The following ADARB2 variants were observed in gnomAD, a reference collection of about 807,000 sequenced individuals.
ADARB2 encodes adenosine deaminase RNA specific B2 (inactive).
Under a neutral mutation model 62.2 loss-of-function variants are expected in ADARB2, and 25 were observed. That is an observed-to-expected ratio of 0.40 (90% CI 0.29 to 0.56). The LOEUF is 0.56. Among genes scored for constraint, ADARB2 ranks in the 20% least tolerant of loss-of-function variants. ADARB2 has a pLI of 0.43. For missense variants in ADARB2, 1,071 were observed against 1,077.4 expected (o/e 0.99, Z 0.08); for synonymous variants, 572 against 500.8 (o/e 1.14, Z -1.90).
At chr10:1,366,137 G>T (rs892387266) in intron 2 of ADARB2, among the ~76,000 whole-genome samples, 2 of 152,240 alleles carry the variant, frequency 1.3e-5, no homozygotes, top group African/African-American at 2.4e-5. Flanking sequence ...CCCCTGGAGA[G>T]TGTAGGAGGG....
At chr10:1,480,098 G>T (rs1271924843) in intron 1 of ADARB2, among the ~76,000 whole-genome samples, 2 of 152,042 alleles carry the variant, frequency 1.3e-5, no homozygotes, top group Admixed American at 1.3e-4. Flanking sequence ...GTACTCAATG[G>T]TAAAAGACAG....
intron 1 of ADARB2, among the ~76,000 whole-genome samples, chr10:1,424,309 T>C (rs1292179858): frequency 6.6e-6 from 1 of 152,222 alleles, no homozygotes; most frequent in Admixed American, 6.5e-5. Flanking sequence ...CACACCTAAC[T>C]ACCTCCTGGC....
intron 8 of ADARB2, among the ~76,000 whole-genome samples, chr10:1,186,260 C>A (rs188108196): frequency 1.3e-5 from 2 of 152,316 alleles, no homozygotes; most frequent in Admixed American, 6.5e-5. Context: ...CCTCATGGAC[C>A]CAGCATGGTG....
intron 1 of ADARB2, among the ~76,000 whole-genome samples, chr10:1,689,990 G>GT (rs1564368495): frequency 1.3e-5 from 2 of 151,846 alleles, no homozygotes; most frequent in Non-Finnish European, 2.9e-5. Flanking sequence ...TTTTGTTTTT[G>GT]TTTTTTGTTT....
intron 3 of ADARB2, among the ~76,000 whole-genome samples, chr10:1,284,534 T>C (rs1278117782): frequency 1.3e-5 from 2 of 152,194 alleles, no homozygotes; most frequent in Admixed American, 1.3e-4. Context: ...AGATCCCTGC[T>C]GGGAACTGTT....
intron 1 of ADARB2, among the ~76,000 whole-genome samples, chr10:1,414,040 T>C (rs988208703): frequency 6.6e-6 from 1 of 152,106 alleles, no homozygotes; most frequent in East Asian, 1.9e-4. Context: ...GCTGTTCAGG[T>C]CCCACTCCCT....
At chr10:1,518,746 A>G (rs1236371275) in intron 1 of ADARB2, among the ~76,000 whole-genome samples, 2 of 150,682 alleles carry the variant, frequency 1.3e-5, no homozygotes, top group African/African-American at 2.5e-5. Context: ...TGTCATACGC[A>G]TGCATTCCTT....
chr10:1,435,091 C>A (rs1830819937), intron 1 of ADARB2, among the ~76,000 whole-genome samples: 3 of 152,214 alleles, frequency 2.0e-5, no homozygotes, highest in African/African-American at 7.2e-5. Context: ...CCTGGGAGGC[C>A]GTGGAGCACG....
chr10:1,732,996 T>G (rs1835252847), intron 1 of ADARB2, among the ~76,000 whole-genome samples: 1 of 152,246 alleles, frequency 6.6e-6, no homozygotes, highest in African/African-American at 2.4e-5. Context: ...ATTTTCAAGT[T>G]TCTAAAACTC....
rs1836682592 is a variant in ADARB2 at position 1,182,121 on chromosome 10, A to G, written c.*1072T>C. 6.6e-6 allele frequency: 1 copy of G among 152,242 alleles called. No individual in the cohort carries two copies. The highest frequency in any genetic ancestry group is 2.4e-5 in the African/African-American group (1 of 41,458). 9.4% of individuals were successfully genotyped at this position (152,242 alleles called of 1,614,324 possible). A position where few individuals can be genotyped will look rare whatever the true frequency, so the allele number is the denominator to read the frequency against. Reference sequence around the variant, plus strand: ...GAATCTGAAAGAATAGAGAGCTGGTAGCCTCTCAAGCTGAAGGTAAAGGTT... The same window carrying G: ...GAATCTGAAAGAATAGAGAGCTGGTGGCCTCTCAAGCTGAAGGTAAAGGTT... On this transcript the variant is annotated 3_prime_UTR_variant, in exon 10 of 10. Coordinates refer to ENST00000381312, the MANE Select transcript of ADARB2 (RefSeq NM_018702.4).
intron 1 of ADARB2, among the ~76,000 whole-genome samples, chr10:1,394,349 C>T (rs61833615): frequency 2.0e-4 from 31 of 152,312 alleles, no homozygotes; most frequent in Non-Finnish European, 4.0e-4. Context: ...CCTCAAGGCC[C>T]GCGGGTCACC....
chr10:1,545,445 A>G (rs1303409084), intron 1 of ADARB2, among the ~76,000 whole-genome samples: 1 of 152,244 alleles, frequency 6.6e-6, no homozygotes, highest in Non-Finnish European at 1.5e-5. Context: ...CAAGTAGAAC[A>G]GAAATGAGAA....
intron 3 of ADARB2, among the ~76,000 whole-genome samples, chr10:1,352,588 A>G (rs1212330081): frequency 6.6e-6 from 1 of 152,214 alleles, no homozygotes; most frequent in African/African-American, 2.4e-5. Flanking sequence ...GTCTGCATGC[A>G]GCGGCTGCCA....
intron 1 of ADARB2, among the ~76,000 whole-genome samples, chr10:1,436,100 G>T (rs895660140): frequency 1.3e-5 from 2 of 152,154 alleles, no homozygotes; most frequent in Admixed American, 1.3e-4. Flanking sequence ...TGTAATGGAA[G>T]TGGCTCTTGC....
chr10:1,721,448 C>A (rs1835091430), intron 1 of ADARB2, among the ~76,000 whole-genome samples: 1 of 152,162 alleles, frequency 6.6e-6, no homozygotes. Flanking sequence ...TAGTGGGATT[C>A]TATTTATACT....
chr10:1,438,330 C>G lies in ADARB2; in HGVS notation c.101-59170G>C, dbSNP rs1392258852. On this transcript the variant is annotated intron_variant, in intron 1 of 9. Transcript: ENST00000381312. ...CCTGAGTCTCCTTAGCAGATGGAGG[C>G]AGGCCCTTCATGATGGGGCTCCTGA... Among the ~76,000 whole-genome samples the G allele has an allele frequency of 2.1e-5, 3 of 144,120 alleles. No homozygotes were observed. The South Asian group carries it at 6.6e-4, about 32-fold the overall frequency. The allele number at this position is 144,120 out of a possible 152,430, so 94.5% of individuals were successfully genotyped here.
intron 1 of ADARB2, among the ~76,000 whole-genome samples, chr10:1,492,296 TG>T (rs1831631992): frequency 6.6e-6 from 1 of 152,086 alleles, no homozygotes; most frequent in Admixed American, 6.5e-5. Flanking sequence ...TCCTAACCCA[TG>T]GGACCTCAGG....
chr10:1,262,488 A>C (rs1287651464), intron 4 of ADARB2, among the ~76,000 whole-genome samples: 1 of 152,132 alleles, frequency 6.6e-6, no homozygotes, highest in East Asian at 1.9e-4. Flanking sequence ...ATGAACAGAC[A>C]CTTCTCAAAA....
intron 1 of ADARB2, among the ~76,000 whole-genome samples, chr10:1,728,948 A>G (rs552791259): frequency 6.6e-6 from 1 of 152,352 alleles, no homozygotes; most frequent in Non-Finnish European, 1.5e-5. Context: ...GCTACTGCTT[A>G]TCCTAGTACT....
Sources: allele counts gnomAD v4.1 joint callset (sites outside exome capture counted in the v4.1 genomes callset), GRCh38; gene constraint gnomAD v4.1.1; transcripts MANE v1.5; gene names NCBI Gene and HGNC (gene_info 2026-07-23, HGNC 2026-07-21).